The following NCALD variants were observed in gnomAD, a reference collection of about 807,000 sequenced individuals.
The protein encoded by NCALD is neurocalcin delta, also known as neurocalcin-delta.
In NCALD, 10 loss-of-function variants were observed where a neutral mutation model predicts 18.6. The ratio of observed to expected loss-of-function variants is 0.54; its 90% CI spans 0.33 to 0.91. The LOEUF is 0.91. Among genes scored for constraint, NCALD ranks in the 40% least tolerant of loss-of-function variants. The pLI, the probability that NCALD is intolerant of heterozygous loss-of-function variation, is 0.03. For missense variants in NCALD, 184 were observed against 247.6 expected, an observed-to-expected ratio of 0.74 and a Z score of 1.72; for synonymous variants, 88 against 87.4, an observed-to-expected ratio of 1.01 and a Z score of -0.04.
intron 1 of NCALD, among the ~76,000 whole-genome samples, chr8:102,078,733 G>A (rs16869047): frequency 0.027 from 4,159 of 152,220 alleles, 132 homozygotes; most frequent in East Asian, 0.13. Context: ...ATGCTCCTTC[G>A]ACCACTTTCT....
intron 1 of NCALD, chr8:101,779,889 ATAAAT>A: frequency 6.6e-6 from 1 of 152,254 alleles, no homozygotes; most frequent in Admixed American, 6.5e-5. Flanking sequence ...TTAATTTTTA[ATAAAT>A]TAAAATTAGT....
intron 1 of NCALD, among the ~76,000 whole-genome samples, chr8:102,037,132 CA>C (rs1822896088): frequency 6.6e-6 from 1 of 152,098 alleles, no homozygotes; most frequent in Non-Finnish European, 1.5e-5. Context: ...CTAACAAAAG[CA>C]AGCAGTTATA....
rs138516530 is a variant in NCALD, at chr8:102,022,289, T to TGA, written c.-209-2002_-209-2001dup. On this transcript the variant is annotated intron_variant, in intron 1 of 6. Transcript: ENST00000311028. ...GATCATCTCTGAGTCCCCACAGAAC[T>TGA]GAATAATCCAGTATTCTATGATCAT... is the stretch of plus-strand genomic sequence containing the variant. 9.4e-3 allele frequency among the ~76,000 whole-genome samples: 1,424 copies of TGA among 152,298 alleles called. 24 individuals carry two copies. The highest frequency in any genetic ancestry group is 0.032 in the African/African-American group (1,329 of 41,560).
At chr8:101,866,600 C>T (rs1034543427) in intron 4 of NCALD, among the ~76,000 whole-genome samples, 4 of 152,216 alleles carry the variant, frequency 2.6e-5, no homozygotes, top group Non-Finnish European at 4.4e-5. Context: ...ACGGCAATTC[C>T]ATTCTGGTTG....
chr8:102,014,146 A>G (rs1489750044), intron 2 of NCALD, among the ~76,000 whole-genome samples: 2 of 152,226 alleles, frequency 1.3e-5, no homozygotes, highest in African/African-American at 4.8e-5. Context: ...TTGGGCTGCT[A>G]TAATAAAATA....
chr8:102,119,027 C>T (rs1428019113), intron 1 of NCALD, among the ~76,000 whole-genome samples: 1 of 152,188 alleles, frequency 6.6e-6, no homozygotes, highest in African/African-American at 2.4e-5. Context: ...TCCTCCAAAA[C>T]TTAAACACAG....
intron 4 of NCALD, among the ~76,000 whole-genome samples, chr8:101,863,970 C>A (rs59458214): frequency 6.6e-6 from 1 of 152,058 alleles, no homozygotes; most frequent in East Asian, 1.9e-4. Flanking sequence ...GGGGATGGGG[C>A]CTGGGCATTA....
chr8:101,746,278 CTG>C (rs1458399340), intron 1 of NCALD, among the ~76,000 whole-genome samples: 1 of 152,214 alleles, frequency 6.6e-6, no homozygotes, highest in African/African-American at 2.4e-5. Flanking sequence ...AGTTCCTGTT[CTG>C]TCACTTACTA....
intron 2 of NCALD, among the ~76,000 whole-genome samples, chr8:101,995,650 T>C (rs940089642): frequency 2.0e-5 from 3 of 152,324 alleles, no homozygotes; most frequent in East Asian, 1.9e-4. Context: ...AAGCCATTCA[T>C]GAGGGATTCA....
intron 2 of NCALD, among the ~76,000 whole-genome samples, chr8:101,960,520 T>A (rs889832366): frequency 6.6e-6 from 1 of 151,870 alleles, no homozygotes; most frequent in Non-Finnish European, 1.5e-5. Flanking sequence ...TCGGAAAAAA[T>A]GGAAACAGCT....
intron 4 of NCALD, among the ~76,000 whole-genome samples, chr8:101,839,564 GA>G (rs1814556315): frequency 6.6e-6 from 1 of 152,106 alleles, no homozygotes; most frequent in Non-Finnish European, 1.5e-5. Context: ...CCTCACTAAA[GA>G]ATACAATTAA....
chr8:101,901,673 A>G (rs1817428516), intron 3 of NCALD, among the ~76,000 whole-genome samples: 1 of 152,190 alleles, frequency 6.6e-6, no homozygotes, highest in Non-Finnish European at 1.5e-5. Flanking sequence ...TACGTACATC[A>G]AGAACTACAT....
At chr8:101,935,745 T>G (rs936931315) in intron 2 of NCALD, among the ~76,000 whole-genome samples, 2 of 150,200 alleles carry the variant, frequency 1.3e-5, no homozygotes, top group East Asian at 2.0e-4. Flanking sequence ...TTAAGGGGAA[T>G]AAGGAAATTA....
Position 102,079,860 on chromosome 8 carries a change from G to A in NCALD, c.-210+44377C>T, listed in dbSNP as rs376355583. On this transcript the variant is annotated intron_variant, in intron 1 of 6. Coordinates refer to the NCALD transcript ENST00000311028. Reference sequence around the variant, plus strand: ...AGGAAGTCCCATCATGCTACAAAGCGTAAAGTCATATTTCAGGAAGTGAGA... The same window carrying A: ...AGGAAGTCCCATCATGCTACAAAGCATAAAGTCATATTTCAGGAAGTGAGA... 3.3e-5 allele frequency among the ~76,000 whole-genome samples: 5 copies of A among 152,314 alleles called. No individual in the cohort carries two copies. In the East Asian group the frequency reaches 5.8e-4, roughly 18 times the overall value.
intron 2 of NCALD, among the ~76,000 whole-genome samples, chr8:102,015,736 C>A (rs922169623): frequency 6.6e-6 from 1 of 152,146 alleles, no homozygotes; most frequent in African/African-American, 2.4e-5. Context: ...AGGGGTCACA[C>A]AAACTGTCCC....
At chr8:102,108,429 A>G (rs1825542314) in intron 1 of NCALD, among the ~76,000 whole-genome samples, 1 of 152,190 alleles carries the variant, frequency 6.6e-6, no homozygotes, top group African/African-American at 2.4e-5. Context: ...GAGCTTATCA[A>G]ATATGCATCG....
chr8:101,689,889 CT>C lies in NCALD; in HGVS notation c.485-484del, dbSNP rs1187391126. Among the ~76,000 whole-genome samples, 1 of 152,212 alleles carries C rather than the reference CT, an allele frequency of 6.6e-6. No homozygotes were observed. Among genetic ancestry groups the C allele is most frequent in the Non-Finnish European group, 1.5e-5 (1 of 68,032 alleles). On this transcript the variant is annotated intron_variant, in intron 3 of 3. Transcript: ENST00000220931. This position sits in a 1 kb window ranked among gnomAD's most constrained non-coding sequence, Gnocchi z 4.4. Reference sequence around the variant, plus strand: ...CGTGTTCTTCAGGCCACTCTGTGTTCTTAGGTTTGCTGCAAGAGCCCATCCT... The same window carrying C: ...CGTGTTCTTCAGGCCACTCTGTGTTCTAGGTTTGCTGCAAGAGCCCATCCT...
intron 4 of NCALD, among the ~76,000 whole-genome samples, chr8:101,814,698 T>C (rs1005976932): frequency 8.5e-5 from 13 of 152,080 alleles, no homozygotes; most frequent in Admixed American, 6.6e-5. Context: ...GACATGATCA[T>C]CTAGGTAGGA....
At chr8:101,786,753 A>G (rs1336854148) in intron 1 of NCALD, among the ~76,000 whole-genome samples, 1 of 152,162 alleles carries the variant, frequency 6.6e-6, no homozygotes, top group Non-Finnish European at 1.5e-5. Flanking sequence ...AATGTGAACA[A>G]TCCTCCCATG....
Sources: allele counts gnomAD v4.1 joint callset (sites outside exome capture counted in the v4.1 genomes callset), GRCh38; gene constraint gnomAD v4.1.1; non-coding constraint Gnocchi (gnomAD v3.1); transcripts MANE v1.5; gene names NCBI Gene and HGNC (gene_info 2026-07-23, HGNC 2026-07-21).